Variants in SKAP1 observed in about 807,000 individuals in gnomAD.
SKAP1 encodes the protein src kinase-associated phosphoprotein 1.
Under a neutral mutation model 58.5 loss-of-function variants are expected in SKAP1, and 44 were observed. The observed-to-expected ratio is 0.75, with a 90% CI of 0.59 to 0.97. The LOEUF (loss-of-function observed/expected upper bound fraction) is 0.97, where lower values mean the gene tolerates loss of function less well. Ranked by LOEUF, SKAP1 falls within the 50% of genes least tolerant of loss-of-function variation. The probability of loss-of-function intolerance (pLI) is 0.00; values close to 1 mark genes in which losing one functional copy is unlikely to be tolerated. For synonymous variants in SKAP1, 127 were observed against 149.7 expected (o/e 0.85, Z 1.11); for missense variants, 390 against 435.2 (o/e 0.90, Z 0.92).
chr17:48,186,684 T>G (rs1482993228), intron 6 of SKAP1, among the ~76,000 whole-genome samples: 2 of 151,598 alleles, frequency 1.3e-5, no homozygotes, highest in Non-Finnish European at 2.9e-5. Flanking sequence ...GTTGGCCAGG[T>G]TGGTCTTGAA....
At chr17:48,199,967 A>T (rs923233125) in intron 4 of SKAP1, among the ~76,000 whole-genome samples, 1 of 152,000 alleles carries the variant, frequency 6.6e-6, no homozygotes, top group Admixed American at 6.6e-5. Context: ...TTTTCATGGC[A>T]ATTGTCTAGG....
chr17:48,356,207 G>A (rs1053672744), intron 3 of SKAP1, among the ~76,000 whole-genome samples: 5 of 151,898 alleles, frequency 3.3e-5, no homozygotes, highest in African/African-American at 1.2e-4. Context: ...TGAGTGAGTC[G>A]AGATCAAGCC....
At chr17:48,427,777 G>C (rs1432287462) in intron 1 of SKAP1, among the ~76,000 whole-genome samples, 2 of 151,760 alleles carry the variant, frequency 1.3e-5, no homozygotes, top group Non-Finnish European at 2.9e-5. Flanking sequence ...GTAATTCATT[G>C]TGGAAACCCC....
intron 6 of SKAP1, among the ~76,000 whole-genome samples, chr17:48,185,462 A>G (rs1379794521): frequency 6.6e-6 from 1 of 152,188 alleles, no homozygotes; most frequent in Non-Finnish European, 1.5e-5. Flanking sequence ...GGAAGGAGAT[A>G]AAAGGAAAAG....
intron 4 of SKAP1, among the ~76,000 whole-genome samples, chr17:48,207,075 C>T (rs1200647287): frequency 1.3e-5 from 2 of 152,066 alleles, no homozygotes; most frequent in African/African-American, 2.4e-5. Context: ...TAATGATGTC[C>T]ATTCTGAGTG....
At chr17:48,316,023 A>G (rs186834634) in intron 4 of SKAP1, among the ~76,000 whole-genome samples, 112 of 152,270 alleles carry the variant, frequency 7.4e-4, no homozygotes, top group African/African-American at 2.3e-3. Flanking sequence ...CCCATCGCCT[A>G]TGGATCATCC....
chr17:48,415,310 G>A (rs919297827), intron 1 of SKAP1, among the ~76,000 whole-genome samples: 1 of 151,142 alleles, frequency 6.6e-6, no homozygotes, highest in Non-Finnish European at 1.5e-5. Flanking sequence ...TGTCTATGGG[G>A]AAAAGGGTTA....
At chr17:48,252,136 G>A (rs543729729) in intron 4 of SKAP1, among the ~76,000 whole-genome samples, 1 of 152,294 alleles carries the variant, frequency 6.6e-6, no homozygotes, top group African/African-American at 2.4e-5. Flanking sequence ...TCAGGTCAGT[G>A]ACCAACAAAC....
At chr17:48,426,470 C>T (rs1260836582) in intron 1 of SKAP1, among the ~76,000 whole-genome samples, 2 of 152,188 alleles carry the variant, frequency 1.3e-5, no homozygotes, top group African/African-American at 4.8e-5. Flanking sequence ...GTCTCTTTTG[C>T]TTCTGACTTC....
intron 4 of SKAP1, among the ~76,000 whole-genome samples, chr17:48,224,034 GA>G (rs764472216): frequency 3.6e-3 from 315 of 88,420 alleles, no homozygotes; most frequent in South Asian, 4.7e-3. Flanking sequence ...GAGAGAGAGA[GA>G]AGAAGGAGGA....
At chr17:48,243,330 G>A (rs1238278552) in intron 4 of SKAP1, among the ~76,000 whole-genome samples, 2 of 152,060 alleles carry the variant, frequency 1.3e-5, no homozygotes, top group Non-Finnish European at 2.9e-5. Context: ...CCATGATTGG[G>A]TATTTTACCC....
chr17:48,426,993 C>A (rs1320844593), intron 1 of SKAP1, among the ~76,000 whole-genome samples: 1 of 151,952 alleles, frequency 6.6e-6, no homozygotes, highest in African/African-American at 2.4e-5. Flanking sequence ...TTTTAAATAC[C>A]CTTACTGTTT....
intron 4 of SKAP1, among the ~76,000 whole-genome samples, chr17:48,277,403 A>G (rs1462885690): frequency 6.6e-6 from 1 of 152,204 alleles, no homozygotes; most frequent in Non-Finnish European, 1.5e-5. Context: ...TCTATACTGA[A>G]ATTAAACATT....
intron 11 of SKAP1, among the ~76,000 whole-genome samples, chr17:48,153,894 TAAA>T (rs1259590946): frequency 9.1e-5 from 9 of 99,204 alleles, no homozygotes; most frequent in South Asian, 3.1e-4. Flanking sequence ...GCCCTGAAAT[TAAA>T]AAAAAAAAAA....
chr17:48,389,507 A>G (rs1020090779), intron 2 of SKAP1, among the ~76,000 whole-genome samples: 1 of 152,260 alleles, frequency 6.6e-6, no homozygotes, highest in African/African-American at 2.4e-5. Context: ...AGGCAATGAC[A>G]TCTTGTGTAA....
intron 1 of SKAP1, among the ~76,000 whole-genome samples, chr17:48,405,430 TTTCTTTCTTTCTTTCTTTCTTTTCTTTC>T (rs1207522871): frequency 6.0e-4 from 51 of 84,698 alleles, no homozygotes; most frequent in African/African-American, 1.8e-3. Flanking sequence ...TCTTTCTTTC[TTTCTTTCTTTCTTTCTTTCTTTTCTTTC>T]TTTCTTTCCT....
chr17:48,430,227 G>A (rs1295479691), upstream of SKAP1: 6 of 936,898 alleles, frequency 6.4e-6, no homozygotes, highest in Non-Finnish European at 8.3e-6. Context: ...CTCAGCCGCG[G>A]TCGCCGCCCG....
chr17:48,392,655 G>A (rs2067363177), intron 2 of SKAP1, among the ~76,000 whole-genome samples: 2 of 151,826 alleles, frequency 1.3e-5, no homozygotes, highest in South Asian at 4.2e-4. Context: ...GAGGTCAGGA[G>A]AGACCAGCCT....
At chr17:48,283,926 T>A (rs957890021) in intron 4 of SKAP1, among the ~76,000 whole-genome samples, 1 of 152,226 alleles carries the variant, frequency 6.6e-6, no homozygotes, top group African/African-American at 2.4e-5. Flanking sequence ...TGGAACACCA[T>A]GATTACTCAG....
Sources: gnomAD v4.1 joint callset for allele counts (sites outside exome capture counted in the v4.1 genomes callset) on GRCh38, gnomAD v4.1.1 for gene constraint, MANE v1.5 for transcripts, NCBI Gene and HGNC (gene_info 2026-07-23, HGNC 2026-07-21) for gene names.